NRG1: variants seen among roughly 807,000 people sequenced by gnomAD.
NRG1 encodes the protein neuregulin 1.
A neutral mutation model predicts 63.8 loss-of-function variants in NRG1; 18 were observed. The ratio of observed to expected loss-of-function variants is 0.28; its 90% CI spans 0.19 to 0.42. NRG1 has a LOEUF of 0.42. Among genes scored for constraint, NRG1 ranks in the 10% least tolerant of loss-of-function variants. The probability of loss-of-function intolerance (pLI) is 1.00; values close to 1 mark genes in which losing one functional copy is unlikely to be tolerated. For missense variants in NRG1, 762 were observed against 814.7 expected, an observed-to-expected ratio of 0.94 and a Z score of 0.79; for synonymous variants, 302 against 301.3, an observed-to-expected ratio of 1.00 and a Z score of -0.02.
chr8:32,498,325 G>A (rs1827460496), intron 1 of NRG1, among the ~76,000 whole-genome samples: 1 of 152,134 alleles, frequency 6.6e-6, no homozygotes, highest in African/African-American at 2.4e-5. Flanking sequence ...TTCTCAAGCT[G>A]CTATAAGGAC....
intron 1 of NRG1, among the ~76,000 whole-genome samples, chr8:32,081,907 G>A (rs1178957012): frequency 6.6e-6 from 1 of 152,086 alleles, no homozygotes; most frequent in Non-Finnish European, 1.5e-5. Context: ...TTTTACCTGA[G>A]GATTGTAGAT....
At chr8:32,756,429 G>A (rs141319283) in exon 9 of NRG1, 200 of 1,612,860 alleles carry the variant, frequency 1.2e-4, no homozygotes, top group South Asian at 3.7e-4. Context: ...CTGCATGACC[G>A]TCTTCGGCAG....
At chr8:32,772,062 TATATATATATATATATATATATATATAA>T (rs1831858571), downstream of NRG1, among the ~76,000 whole-genome samples, 9 of 3,438 alleles carry the variant, frequency 2.6e-3, 1 homozygote, top group South Asian at 0.046. Flanking sequence ...TATATATATA[TATATATATATATATATATATATATATAA>T]AATCCCACCA....
intron 1 of NRG1, among the ~76,000 whole-genome samples, chr8:31,881,702 C>G (rs886370252): frequency 6.6e-6 from 1 of 152,158 alleles, no homozygotes; most frequent in African/African-American, 2.4e-5. Context: ...AGCGAATACA[C>G]AAATGATAAG....
intron 1 of NRG1, among the ~76,000 whole-genome samples, chr8:31,856,597 CCTT>C (rs1345004460): frequency 1.3e-5 from 2 of 152,172 alleles, no homozygotes; most frequent in Non-Finnish European, 2.9e-5. Context: ...TTGTCTGAAG[CCTT>C]CTTCTCTCCG....
intron 1 of NRG1, among the ~76,000 whole-genome samples, chr8:31,669,326 C>T (rs994137618): frequency 6.6e-6 from 1 of 152,028 alleles, no homozygotes; most frequent in African/African-American, 2.4e-5. Flanking sequence ...CAACCTCCAC[C>T]TCCCAGGTTC....
At chr8:31,885,482 G>A (rs1278499059) in intron 1 of NRG1, among the ~76,000 whole-genome samples, 6 of 152,120 alleles carry the variant, frequency 3.9e-5, no homozygotes, top group Admixed American at 1.3e-4. Context: ...ATTATAAAGA[G>A]TTGACTAATA....
At chr8:32,492,230 T>C (rs545398965) in intron 1 of NRG1, among the ~76,000 whole-genome samples, 147 of 152,124 alleles carry the variant, frequency 9.7e-4, no homozygotes, top group Non-Finnish European at 1.7e-3. Context: ...GGCCAATAAA[T>C]CCTTGTGGAA....
At chr8:32,306,288 C>T (rs900314362) in intron 1 of NRG1, among the ~76,000 whole-genome samples, 1 of 152,160 alleles carries the variant, frequency 6.6e-6, no homozygotes, top group African/African-American at 2.4e-5. Context: ...AAAGCCCAGG[C>T]CAGTTTCTTT....
At chr8:32,660,779 G>A (rs1489458069) in intron 5 of NRG1, among the ~76,000 whole-genome samples, 1 of 152,166 alleles carries the variant, frequency 6.6e-6, no homozygotes, top group Non-Finnish European at 1.5e-5. Flanking sequence ...AAATGAGTTG[G>A]TGTTCATAAA....
chr8:31,854,278 C>T (rs1827596973), intron 1 of NRG1, among the ~76,000 whole-genome samples: 1 of 152,222 alleles, frequency 6.6e-6, no homozygotes, highest in East Asian at 1.9e-4. Flanking sequence ...TGATTACTGC[C>T]ACAATTTCAG....
intron 1 of NRG1, among the ~76,000 whole-genome samples, chr8:32,470,291 C>T (rs1823667085): frequency 6.6e-6 from 1 of 151,874 alleles, no homozygotes; most frequent in Non-Finnish European, 1.5e-5. Context: ...CGCCATTCTC[C>T]TGCCTCAGCC....
intron 5 of NRG1, among the ~76,000 whole-genome samples, chr8:32,643,006 T>G (rs1208755697): frequency 5.3e-5 from 8 of 152,196 alleles, no homozygotes; most frequent in Non-Finnish European, 1.0e-4. Context: ...GCTGAGGAAT[T>G]CTAGTATTTT....
At chr8:31,927,788 C>T (rs1418527045) in intron 1 of NRG1, among the ~76,000 whole-genome samples, 1 of 151,178 alleles carries the variant, frequency 6.6e-6, no homozygotes, top group East Asian at 1.9e-4. Flanking sequence ...AATCTTCCAC[C>T]TCCTTTTCAA....
intron 1 of NRG1, among the ~76,000 whole-genome samples, chr8:32,386,380 T>A (rs150070142): frequency 8.3e-4 from 127 of 152,338 alleles, no homozygotes; most frequent in African/African-American, 2.8e-3. Context: ...CCTCCCTCCG[T>A]TGCCTCTGTT....
At chr8:32,162,583 GGAAAGGCCTCA>G (rs1436372811) in intron 1 of NRG1, among the ~76,000 whole-genome samples, 5 of 152,100 alleles carry the variant, frequency 3.3e-5, no homozygotes, top group African/African-American at 1.2e-4. Flanking sequence ...GAGATGGCAA[GGAAAGGCCTCA>G]GACCCCTTAC....
At chr8:32,143,848 G>A (rs554847019) in intron 1 of NRG1, among the ~76,000 whole-genome samples, 1 of 152,362 alleles carries the variant, frequency 6.6e-6, no homozygotes, top group African/African-American at 2.4e-5. Context: ...AGGCTCTTTG[G>A]AAGCAGTGGT....
At chr8:32,224,005 C>A in intron 1 of NRG1, among the ~76,000 whole-genome samples, 1 of 152,130 alleles carries the variant, frequency 6.6e-6, no homozygotes, top group East Asian at 1.9e-4. Flanking sequence ...TTGTTTATAA[C>A]CGGCAGTAGG....
chr8:32,390,618 A>T (rs75495138), intron 1 of NRG1, among the ~76,000 whole-genome samples: 1 of 143,260 alleles, frequency 7.0e-6, no homozygotes, highest in Non-Finnish European at 1.6e-5. Flanking sequence ...AAAAAAAAAA[A>T]AGAAGAAGAA....
Sources: gnomAD v4.1 joint callset for allele counts (sites outside exome capture counted in the v4.1 genomes callset) on GRCh38, gnomAD v4.1.1 for gene constraint, MANE v1.5 for transcripts, NCBI Gene and HGNC (gene_info 2026-07-23, HGNC 2026-07-21) for gene names.